The following CACNA2D3 variants were observed in gnomAD, a reference collection of about 807,000 sequenced individuals.
CACNA2D3 encodes voltage-dependent calcium channel subunit alpha-2/delta-3.
A neutral mutation model predicts 160.6 loss-of-function variants in CACNA2D3; 60 were observed. The observed-to-expected ratio is 0.37, with a 90% CI of 0.30 to 0.46. The LOEUF is 0.46. CACNA2D3 is among the 20% of genes least tolerant of loss of function. The probability of loss-of-function intolerance (pLI) is 1.00; values close to 1 mark genes in which losing one functional copy is unlikely to be tolerated. For synonymous variants in CACNA2D3, 558 were observed against 492.9 expected, an observed-to-expected ratio of 1.13 and a Z score of -1.75; for missense variants, 1,205 against 1,365.0, an observed-to-expected ratio of 0.88 and a Z score of 1.85.
chr3:54,866,650 CAGAA>C (rs1395331600), intron 17 of CACNA2D3, among the ~76,000 whole-genome samples: 1 of 152,190 alleles, frequency 6.6e-6, no homozygotes, highest in East Asian at 1.9e-4. Context: ...TCCCAGAACA[CAGAA>C]AGAGCAAAGG....
chr3:54,465,989 G>C (rs1407650851), intron 4 of CACNA2D3, among the ~76,000 whole-genome samples: 1 of 152,120 alleles, frequency 6.6e-6, no homozygotes, highest in Non-Finnish European at 1.5e-5. Flanking sequence ...CTTGCTGGTT[G>C]TCCTTGTCCC....
chr3:54,564,257 C>G (rs539562888), intron 6 of CACNA2D3, among the ~76,000 whole-genome samples: 5 of 152,210 alleles, frequency 3.3e-5, no homozygotes, highest in Admixed American at 2.0e-4. Flanking sequence ...ACTATGGTCA[C>G]GAGGACATTT....
chr3:54,588,558 T>G (rs1393353283), intron 9 of CACNA2D3, among the ~76,000 whole-genome samples: 1 of 152,032 alleles, frequency 6.6e-6, no homozygotes, highest in Non-Finnish European at 1.5e-5. Context: ...TCTCAAAGAA[T>G]CTACACACAA....
chr3:54,510,845 A>G (rs1018496398), intron 5 of CACNA2D3, among the ~76,000 whole-genome samples: 6 of 152,150 alleles, frequency 3.9e-5, no homozygotes, highest in Non-Finnish European at 8.8e-5. Flanking sequence ...TTTGATACAC[A>G]TTGATTCCTC....
chr3:54,498,686 T>G (rs1480048824), intron 4 of CACNA2D3, among the ~76,000 whole-genome samples: 2 of 152,038 alleles, frequency 1.3e-5, no homozygotes, highest in South Asian at 2.1e-4. Context: ...ATCTTGAAAT[T>G]TTTTTCTTCT....
intron 17 of CACNA2D3, among the ~76,000 whole-genome samples, chr3:54,870,851 C>T (rs1699508255): frequency 6.6e-6 from 1 of 152,164 alleles, no homozygotes; most frequent in African/African-American, 2.4e-5. Flanking sequence ...AAAATGCCAC[C>T]AGTATGCTGA....
At chr3:54,746,007 C>T (rs1295653142) in intron 11 of CACNA2D3, among the ~76,000 whole-genome samples, 2 of 152,074 alleles carry the variant, frequency 1.3e-5, no homozygotes, top group Non-Finnish European at 2.9e-5. Context: ...TTCAGGGTAG[C>T]GTTACCATGG....
At chr3:54,173,329 T>C (rs1700610797) in intron 2 of CACNA2D3, among the ~76,000 whole-genome samples, 1 of 152,230 alleles carries the variant, frequency 6.6e-6, no homozygotes, top group Non-Finnish European at 1.5e-5. Context: ...GTGCACATTA[T>C]TACCTTGTAT....
At chr3:54,406,482 A>G (rs74713942) in intron 4 of CACNA2D3, among the ~76,000 whole-genome samples, 3,888 of 152,280 alleles carry the variant, frequency 0.026, 167 homozygotes, top group African/African-American at 0.089. Context: ...AACCTTAAAA[A>G]AGGAGGAGGT....
chr3:54,779,004 T>A (rs552063360), intron 13 of CACNA2D3, among the ~76,000 whole-genome samples: 16 of 152,310 alleles, frequency 1.1e-4, no homozygotes, highest in African/African-American at 3.8e-4. Flanking sequence ...GCTAAGATAA[T>A]GGCATTCTGA....
chr3:54,177,155 A>T (rs1179224401), intron 2 of CACNA2D3, among the ~76,000 whole-genome samples: 1 of 152,220 alleles, frequency 6.6e-6, no homozygotes, highest in Non-Finnish European at 1.5e-5. Context: ...GCTCCACAGC[A>T]TGAGTCCCTT....
At chr3:54,679,483 G>A (rs1170754697) in intron 11 of CACNA2D3, among the ~76,000 whole-genome samples, 1 of 152,170 alleles carries the variant, frequency 6.6e-6, no homozygotes, top group Non-Finnish European at 1.5e-5. Flanking sequence ...GAGAGCTGGG[G>A]CAGCAAGGGG....
intron 27 of CACNA2D3, among the ~76,000 whole-genome samples, chr3:54,936,080 T>TTTAA (rs1701321533): frequency 6.6e-6 from 1 of 152,170 alleles, no homozygotes. Context: ...CTCTCTGATC[T>TTTAA]TTAACTTCGT....
intron 11 of CACNA2D3, among the ~76,000 whole-genome samples, chr3:54,683,544 A>T (rs1700392174): frequency 6.6e-6 from 1 of 152,188 alleles, no homozygotes; most frequent in African/African-American, 2.4e-5. Flanking sequence ...ACCAATACTT[A>T]GGTCAAAGGT....
At chr3:54,809,326 T>TCATTCTTTCTTCCCCTCCCTCCC (rs1559590283) in intron 13 of CACNA2D3, among the ~76,000 whole-genome samples, 1 of 120,094 alleles carries the variant, frequency 8.3e-6, no homozygotes, top group Non-Finnish European at 1.7e-5. Flanking sequence ...TTTTTTTTTT[T>TCATTCTTTCTTCCCCTCCCTCCC]TTTGAGACGG....
chr3:54,490,409 G>C (rs1050879321), intron 4 of CACNA2D3, among the ~76,000 whole-genome samples: 1 of 152,236 alleles, frequency 6.6e-6, no homozygotes, highest in Non-Finnish European at 1.5e-5. Flanking sequence ...ATGCAGGGTT[G>C]AATCCAGGCA....
chr3:54,796,163 C>T (rs1443209453), intron 13 of CACNA2D3, among the ~76,000 whole-genome samples: 1 of 152,096 alleles, frequency 6.6e-6, no homozygotes, highest in Non-Finnish European at 1.5e-5. Context: ...GTATTCCCTT[C>T]ATTATCCATT....
At chr3:55,014,591 G>A (rs1703286285) in intron 34 of CACNA2D3, among the ~76,000 whole-genome samples, 1 of 152,080 alleles carries the variant, frequency 6.6e-6, no homozygotes, top group Admixed American at 6.6e-5. Context: ...AACTAGCCAA[G>A]CATGATGGCG....
intron 2 of CACNA2D3, among the ~76,000 whole-genome samples, chr3:54,310,993 A>C (rs1703727347): frequency 1.3e-5 from 2 of 152,164 alleles, no homozygotes; most frequent in South Asian, 4.1e-4. Context: ...ACCATGACAA[A>C]CTTGAAGCTG....
Sources: gnomAD v4.1 joint callset for allele counts (sites outside exome capture counted in the v4.1 genomes callset) on GRCh38, gnomAD v4.1.1 for gene constraint, MANE v1.5 for transcripts, NCBI Gene and HGNC (gene_info 2026-07-23, HGNC 2026-07-21) for gene names.